The following RRAS2 variants were observed in gnomAD, a reference collection of about 807,000 sequenced individuals.
The protein encoded by RRAS2 is ras-related protein R-Ras2.
RRAS2 carries 7 observed loss-of-function variants against 27.6 expected under a neutral mutation model. The observed-to-expected ratio is 0.25, with a 90% CI of 0.14 to 0.48. The LOEUF is 0.48. RRAS2 is among the 20% of genes least tolerant of loss of function. The pLI is 0.99. For missense variants in RRAS2, 178 were observed against 256.2 expected, an observed-to-expected ratio of 0.69 and a Z score of 2.08; for synonymous variants, 86 against 90.9, an observed-to-expected ratio of 0.95 and a Z score of 0.31.
intron 4 of RRAS2, among the ~76,000 whole-genome samples, chr11:14,290,578 G>C (rs563960553): frequency 1.4e-4 from 21 of 152,340 alleles, no homozygotes; most frequent in Admixed American, 3.9e-4. Context: ...CAGAGCCCAA[G>C]ACACTTTAGA....
chr11:14,330,045 AGGCTG>A (rs1156924901), intron 1 of RRAS2, among the ~76,000 whole-genome samples: 1 of 152,218 alleles, frequency 6.6e-6, no homozygotes, highest in Non-Finnish European at 1.5e-5. Flanking sequence ...ACTGCACCCC[AGGCTG>A]GGCCACAGAC....
At chr11:14,294,225 C>T (rs1212084400) in intron 4 of RRAS2, among the ~76,000 whole-genome samples, 1 of 152,132 alleles carries the variant, frequency 6.6e-6, no homozygotes, top group African/African-American at 2.4e-5. Flanking sequence ...CTTATAAAGT[C>T]TTATAAAATT....
chr11:14,363,857 G>A (rs562666440), upstream of RRAS2, among the ~76,000 whole-genome samples: 53 of 151,810 alleles, frequency 3.5e-4, no homozygotes, highest in Non-Finnish European at 6.2e-4. Context: ...GATCACCTGC[G>A]GTTGGGAGTT....
chr11:14,329,060 CAT>C (rs1274041463), intron 1 of RRAS2, among the ~76,000 whole-genome samples: 2 of 102,710 alleles, frequency 1.9e-5, no homozygotes, highest in African/African-American at 6.8e-5. Flanking sequence ...TATACACACA[CAT>C]ATACATACAC....
chr11:14,280,529 C>T (rs1371183326), intron 5 of RRAS2, among the ~76,000 whole-genome samples: 1 of 151,756 alleles, frequency 6.6e-6, no homozygotes, highest in Non-Finnish European at 1.5e-5. Context: ...AGTTCGAGAC[C>T]AGCCTGGCCA....
chr11:14,330,702 T>A (rs1554951776), intron 1 of RRAS2, among the ~76,000 whole-genome samples: 1 of 152,184 alleles, frequency 6.6e-6, no homozygotes, highest in Admixed American at 6.5e-5. Flanking sequence ...CGAAAAAGGC[T>A]GTAACAAAAA....
chr11:14,348,048 A>G (rs1848875199), intron 1 of RRAS2, among the ~76,000 whole-genome samples: 1 of 152,186 alleles, frequency 6.6e-6, no homozygotes, highest in African/African-American at 2.4e-5. Context: ...CCCTCCCAAG[A>G]CATCTGGCTA....
At chr11:14,304,259 AAGG>A (rs1319873807) in intron 1 of RRAS2, among the ~76,000 whole-genome samples, 2 of 152,208 alleles carry the variant, frequency 1.3e-5, no homozygotes, top group African/African-American at 4.8e-5. Context: ...AAAGGGGCTT[AAGG>A]AGAAGCATCT....
Position 14,359,136 on chromosome 11 carries a change from G to T in RRAS2, c.-266C>A. The T allele has an allele frequency of 9.7e-7, 1 of 1,033,324 alleles. No homozygotes were observed. The highest frequency in any genetic ancestry group is 1.2e-6 in the Non-Finnish European group (1 of 861,904). The allele number at this position is 1,033,324 out of a possible 1,614,324, so 64.0% of individuals were successfully genotyped here. ...GGGGCGCGCTCCTCTACGCGTCTCC[G>T]CAGCGCCTGCCGAACGCAGCCTCCA... On this transcript the variant is annotated 5_prime_UTR_variant, in exon 1 of 6. Coordinates refer to ENST00000256196, the MANE Select transcript of RRAS2 (RefSeq NM_012250.6).
At chr11:14,288,478 G>A (rs782137451) in intron 4 of RRAS2, among the ~76,000 whole-genome samples, 10 of 152,192 alleles carry the variant, frequency 6.6e-5, no homozygotes, top group Non-Finnish European at 1.5e-4. Flanking sequence ...TACCGGAACA[G>A]AGCCATAGCA....
intron 1 of RRAS2, among the ~76,000 whole-genome samples, chr11:14,299,641 TTCAC>T (rs1291844488): frequency 6.6e-6 from 1 of 152,336 alleles, no homozygotes; most frequent in African/African-American, 2.4e-5. Flanking sequence ...CTCTCTTGAT[TTCAC>T]TCACTCATTT....
At chr11:14,291,638 A>G (rs1339290029) in intron 4 of RRAS2, among the ~76,000 whole-genome samples, 1 of 151,676 alleles carries the variant, frequency 6.6e-6, no homozygotes, top group Non-Finnish European at 1.5e-5. Context: ...CATTTCCTAT[A>G]TTGTTCTCTC....
intron 1 of RRAS2, among the ~76,000 whole-genome samples, chr11:14,317,642 G>A (rs1848138633): frequency 6.6e-6 from 1 of 152,160 alleles, no homozygotes; most frequent in African/African-American, 2.4e-5. Flanking sequence ...TAAATTATTT[G>A]GGAAACAAAA....
At chr11:14,334,527 T>TAC (rs1360232935) in intron 1 of RRAS2, among the ~76,000 whole-genome samples, 22 of 150,408 alleles carry the variant, frequency 1.5e-4, no homozygotes, top group African/African-American at 4.2e-4. Context: ...AAAGCATCCA[T>TAC]ACATACACAC....
intron 4 of RRAS2, among the ~76,000 whole-genome samples, chr11:14,293,129 ATATAT>A (rs1847455586): frequency 2.0e-5 from 1 of 51,236 alleles, no homozygotes; most frequent in Non-Finnish European, 5.1e-5. Flanking sequence ...AAACAAATAT[ATATAT>A]ATATATATAT....
chr11:14,332,758 A>G (rs1554952099), intron 1 of RRAS2, among the ~76,000 whole-genome samples: 1 of 152,124 alleles, frequency 6.6e-6, no homozygotes, highest in African/African-American at 2.4e-5. Flanking sequence ...AAGGTGTGTA[A>G]TTTTTCAAAA....
chr11:14,282,268 G>T (rs74623632), intron 4 of RRAS2, among the ~76,000 whole-genome samples: 1 of 152,194 alleles, frequency 6.6e-6, no homozygotes, highest in Non-Finnish European at 1.5e-5. Flanking sequence ...GGAGAAAAGT[G>T]TAAGTTTCAG....
chr11:14,332,299 T>C (rs1227734673), intron 1 of RRAS2, among the ~76,000 whole-genome samples: 1 of 152,148 alleles, frequency 6.6e-6, no homozygotes, highest in Admixed American at 6.5e-5. Context: ...GACAAGTAAA[T>C]TGTGGTATAT....
In RRAS2 at chr11:14,319,637, C is replaced by A. The variant is rs545789886; in HGVS notation, c.109-23782G>T. Among the ~76,000 whole-genome samples the A allele has an allele frequency of 3.3e-5, 5 of 152,016 alleles. No individual in the cohort carries two copies. The East Asian group carries it at 5.8e-4, about 18-fold the overall frequency. ...CCTCCCAAAGTGCTGGGATTACAGG[C>A]GTGAGCCACCGCGCCCGGCCGGTTC... On this transcript the variant is annotated intron_variant, in intron 1 of 5. Transcript: ENST00000256196.
Sources: allele counts gnomAD v4.1 joint callset (sites outside exome capture counted in the v4.1 genomes callset), GRCh38; gene constraint gnomAD v4.1.1; transcripts MANE v1.5; gene names NCBI Gene and HGNC (gene_info 2026-07-23, HGNC 2026-07-21).